IFT81: variants seen among roughly 807,000 people sequenced by gnomAD.
IFT81 encodes the protein intraflagellar transport protein 81 homolog.
A neutral mutation model predicts 102.6 loss-of-function variants in IFT81; 72 were observed. That is an observed-to-expected ratio of 0.70 (90% CI 0.58 to 0.85). IFT81 has a LOEUF of 0.85. IFT81 is among the 40% of genes least tolerant of loss of function. The probability of loss-of-function intolerance (pLI) is 0.00; values close to 1 mark genes in which losing one functional copy is unlikely to be tolerated. For synonymous variants in IFT81, 237 were observed against 242.7 expected, an observed-to-expected ratio of 0.98 and a Z score of 0.22; for missense variants, 723 against 787.3, an observed-to-expected ratio of 0.92 and a Z score of 0.98.
intron 11 of IFT81, chr12:110,168,501 A>G: frequency 1.1e-6 from 1 of 935,430 alleles, no homozygotes; most frequent in Non-Finnish European, 1.3e-6. Context: ...TAAAAAATGC[A>G]TAAACGATTA....
At chr12:110,169,123 G>T (rs903684141) in intron 11 of IFT81, 2 of 137,320 alleles carry the variant, frequency 1.5e-5, no homozygotes, top group African/African-American at 5.6e-5. Flanking sequence ...TGGAATTTTG[G>T]TACAGGCTAG....
At position 110,177,406 on chromosome 12, in the gene IFT81, C is replaced by G. The variant is rs929940715; in HGVS notation, c.1189-3016C>G. Among the ~76,000 whole-genome samples the G allele has an allele frequency of 5.3e-5, 8 of 152,168 alleles. 1 individual carries two copies. The South Asian group carries it at 1.7e-3, about 32-fold the overall frequency. Reference sequence around the variant, plus strand: ...CAAGCAATTCTCATGCCTCAGCCTCCCTAGTAGCTGGGATTACGGGCACAC... The same window carrying G: ...CAAGCAATTCTCATGCCTCAGCCTCGCTAGTAGCTGGGATTACGGGCACAC... On this transcript the variant is annotated intron_variant, in intron 11 of 18. Transcript: ENST00000242591.
At chr12:110,208,072 T>C (rs543140249) in intron 17 of IFT81, among the ~76,000 whole-genome samples, 1 of 152,332 alleles carries the variant, frequency 6.6e-6, no homozygotes, top group South Asian at 2.1e-4. Flanking sequence ...CTGTTAATAC[T>C]TTGGTGTACA....
At chr12:110,140,510 A>C (rs1468840009) in intron 8 of IFT81, among the ~76,000 whole-genome samples, 1 of 152,200 alleles carries the variant, frequency 6.6e-6, no homozygotes, top group Non-Finnish European at 1.5e-5. Context: ...TTTTTTAAAT[A>C]GAGAAAATAT....
chr12:110,202,605 A>G (rs1898348239), intron 14 of IFT81, among the ~76,000 whole-genome samples: 1 of 151,988 alleles, frequency 6.6e-6, no homozygotes, highest in Admixed American at 6.6e-5. Context: ...GGCACGTGCC[A>G]CCATGCCCAG....
intron 18 of IFT81, 24 bp downstream of exon 18, chr12:110,209,240 TA>T: frequency 2.4e-6 from 3 of 1,248,832 alleles, no homozygotes; most frequent in Middle Eastern, 2.0e-4. Context: ...TTTATTTTTT[TA>T]AATGTGTCTA....
intron 10 of IFT81, among the ~76,000 whole-genome samples, chr12:110,153,412 T>C (rs1240634615): frequency 6.6e-6 from 1 of 150,430 alleles, no homozygotes; most frequent in East Asian, 2.0e-4. Context: ...TTTTTATTTT[T>C]AGTAGACACA....
intron 9 of IFT81, among the ~76,000 whole-genome samples, chr12:110,145,220 A>G (rs1403509055): frequency 6.6e-6 from 1 of 151,190 alleles, no homozygotes; most frequent in East Asian, 1.9e-4. Context: ...TTTTGTACAG[A>G]CAGGGTCTGG....
rs1288921507 is a variant in IFT81 at position 110,169,072 on chromosome 12, CCTTCCTTCCTCT to C, written c.1188+6010_1188+6021del. 4.9e-5 allele frequency: 7 copies of C among 143,540 alleles called. No homozygotes were observed. In the East Asian group the frequency reaches 1.1e-3, roughly 22 times the overall value. The allele number at this position is 143,540 out of a possible 1,614,324, so 8.9% of individuals were successfully genotyped here. On this transcript the variant is annotated intron_variant, in intron 11 of 18. Coordinates refer to ENST00000242591, the MANE Select transcript of IFT81 (RefSeq NM_014055.4). ...TCCTTCCTTCCTTCCTTCCTTCCTT[CCTTCCTTCCTCT>C]CTCTCTCTCTTTCTTTCTTTCTTCT... is the stretch of plus-strand genomic sequence containing the variant.
chr12:110,197,096 G>A (rs988545355), intron 14 of IFT81, among the ~76,000 whole-genome samples: 2 of 152,232 alleles, frequency 1.3e-5, no homozygotes, highest in African/African-American at 4.8e-5. Flanking sequence ...CTATTGGGAG[G>A]CTGAGGCAGA....
Position 110,132,590 on chromosome 12 carries a change from A to G in IFT81, c.473A>G (p.Tyr158Cys), listed in dbSNP as rs1238411337. 5 of 1,582,108 alleles carry G rather than the reference A, an allele frequency of 3.2e-6. No individual in the cohort carries two copies. Among genetic ancestry groups the G allele is most frequent in the Non-Finnish European group, 4.3e-6 (5 of 1,155,714 alleles). The change falls in exon 5 of 19, where the codon TAT (tyrosine) becomes TGT (cysteine). Residue 158 changes from tyrosine (Y) to cysteine (C), a missense_variant. Physicochemically the swap from Tyr to Cys is radical, Grantham distance 194 (BLOSUM62 -2). Coordinates refer to ENST00000242591, the MANE Select transcript of IFT81 (RefSeq NM_014055.4). ...GCCTTTAAAACTTTGCATAAAGAAT[A>G]TGAGCAGCTCAAGATATCTGGATTT... Reference protein sequence around the residue: ...MEAFKTLHKEYEQLKISGFST... With the variant: ...MEAFKTLHKECEQLKISGFST...
chr12:110,177,282 G>GTTTTT (rs1243585936), intron 11 of IFT81, among the ~76,000 whole-genome samples: 5 of 151,776 alleles, frequency 3.3e-5, no homozygotes, highest in Non-Finnish European at 7.4e-5. Context: ...GTTTTGTTTT[G>GTTTTT]TTTTGTTTTG....
intron 9 of IFT81, among the ~76,000 whole-genome samples, chr12:110,146,660 G>C (rs1053239113): frequency 1.3e-5 from 2 of 152,062 alleles, no homozygotes; most frequent in Non-Finnish European, 2.9e-5. Flanking sequence ...GCCCATCAGA[G>C]ACTTAATGTT....
Position 110,136,824 on chromosome 12 carries a change from A to G in IFT81, c.745A>G (p.Ser249Gly). 1 of 1,612,878 alleles carries G rather than the reference A, an allele frequency of 6.2e-7. No individual in the cohort carries two copies. Among genetic ancestry groups the G allele is most frequent in the Non-Finnish European group, 8.5e-7 (1 of 1,179,076 alleles). ...RLQRVQNQLKSMRQAAADAKP... is the reference protein window; with the variant it reads ...RLQRVQNQLKGMRQAAADAKP... ...GCAAAGAGTACAAAACCAGCTGAAA[A>G]GCATGCGCCAAGCTGCAGCAGATGC... Residue 249 changes from serine (S) to glycine (G), a missense_variant, in exon 8 of 19, where the codon AGC (serine) becomes GGC (glycine). Coordinates refer to ENST00000242591, the MANE Select transcript of IFT81 (RefSeq NM_014055.4).
At chr12:110,138,324 A>G (rs1321708793) in intron 8 of IFT81, among the ~76,000 whole-genome samples, 1 of 152,248 alleles carries the variant, frequency 6.6e-6, no homozygotes, top group Non-Finnish European at 1.5e-5. Context: ...AAAAAGGCTT[A>G]CAAAAGCTAA....
At chr12:110,165,125 G>A (rs548691080) in intron 11 of IFT81, among the ~76,000 whole-genome samples, 194 of 151,852 alleles carry the variant, frequency 1.3e-3, no homozygotes, top group African/African-American at 4.5e-3. Context: ...AGGGGAAAAA[G>A]ATGTCATCAT....
chr12:110,161,042 T>C (rs528270983), intron 10 of IFT81, among the ~76,000 whole-genome samples: 1 of 152,140 alleles, frequency 6.6e-6, no homozygotes, highest in East Asian at 1.9e-4. Flanking sequence ...GGGGATGAAG[T>C]TTATATTTAT....
chr12:110,126,277 CAAAA>C (rs11287085), intron 1 of IFT81, among the ~76,000 whole-genome samples: 5 of 97,540 alleles, frequency 5.1e-5, no homozygotes, highest in Admixed American at 1.0e-4. Context: ...GACTCCGTCT[CAAAA>C]AAAAAAAAAA....
intron 12 of IFT81, among the ~76,000 whole-genome samples, chr12:110,184,294 G>A (rs1897428426): frequency 6.6e-6 from 1 of 152,096 alleles, no homozygotes; most frequent in Admixed American, 6.5e-5. Context: ...AGCTTGCAGT[G>A]AGCCGAGATC....
Sources: gnomAD v4.1 joint callset for allele counts (sites outside exome capture counted in the v4.1 genomes callset) on GRCh38, gnomAD v4.1.1 for gene constraint, MANE v1.5 for transcripts, NCBI Gene and HGNC (gene_info 2026-07-23, HGNC 2026-07-21) for gene names.